The following SPAG16 variants were observed in gnomAD, a reference collection of about 807,000 sequenced individuals.
SPAG16 encodes sperm associated antigen 16, also known as sperm-associated antigen 16 protein.
A neutral mutation model predicts 80.4 loss-of-function variants in SPAG16; 86 were observed. That is an observed-to-expected ratio of 1.07 (90% CI 0.90 to 1.28). The LOEUF (loss-of-function observed/expected upper bound fraction) is 1.28. Ranked by LOEUF, SPAG16 falls within the 50% of genes most tolerant of loss-of-function variation. The probability of loss-of-function intolerance (pLI) is 0.00; values close to 1 mark genes in which losing one functional copy is unlikely to be tolerated. For missense variants in SPAG16, 870 were observed against 765.3 expected (o/e 1.14, Z -1.61); for synonymous variants, 294 against 265.9 (o/e 1.11, Z -1.03).
At chr2:214,357,807 T>C (rs1698918908) in intron 15 of SPAG16, among the ~76,000 whole-genome samples, 1 of 151,872 alleles carries the variant, frequency 6.6e-6, no homozygotes, top group Non-Finnish European at 1.5e-5. Context: ...GAGAACTGGA[T>C]TTAAAGAGAT....
chr2:213,930,145 G>GGTAA lies in SPAG16; in HGVS notation c.1400+2_1400+5dup, dbSNP rs1458211307. 2.5e-6 allele frequency: 4 copies of GGTAA among 1,611,858 alleles called. No homozygotes were observed. The East Asian group carries it at 6.7e-5, about 27-fold the overall frequency. On this transcript the variant is annotated stop_gained and frameshift_variant and splice_region_variant. Transcript: ENST00000331683. LOFTEE classifies it high-confidence loss of function. The stretch of plus-strand genomic sequence containing the variant: ...ACTAGCAAAATTTGGGATGTTAATA[G>GGTAA]GTAAGAAGTACTTTAAACATTACTA...
intron 11 of SPAG16, among the ~76,000 whole-genome samples, chr2:213,886,322 G>A (rs953954632): frequency 2.0e-5 from 3 of 152,086 alleles, no homozygotes; most frequent in African/African-American, 4.8e-5. Context: ...CATGGGGAAC[G>A]GATATTCAGA....
intron 15 of SPAG16, among the ~76,000 whole-genome samples, chr2:214,326,709 G>A (rs1696509598): frequency 6.6e-6 from 1 of 152,080 alleles, no homozygotes; most frequent in South Asian, 2.1e-4. Flanking sequence ...ACTTTGGGAG[G>A]CCGAGGCAGG....
chr2:214,012,109 C>T (rs2047308129), intron 12 of SPAG16, among the ~76,000 whole-genome samples: 1 of 151,266 alleles, frequency 6.6e-6, no homozygotes, highest in African/African-American at 2.4e-5. Flanking sequence ...GGAATTCAGT[C>T]TCCTGGCTCC....
chr2:214,354,164 T>A (rs1306179306), intron 15 of SPAG16, among the ~76,000 whole-genome samples: 1 of 152,126 alleles, frequency 6.6e-6, no homozygotes, highest in Admixed American at 6.6e-5. Flanking sequence ...AAAAATGATA[T>A]ACATTTTTGT....
chr2:213,654,211 G>T (rs1409030950), intron 10 of SPAG16, among the ~76,000 whole-genome samples: 1 of 152,020 alleles, frequency 6.6e-6, no homozygotes, highest in Non-Finnish European at 1.5e-5. Context: ...TTAAATTATT[G>T]AGAACACAAC....
intron 10 of SPAG16, among the ~76,000 whole-genome samples, chr2:213,861,224 G>A (rs1013561342): frequency 6.6e-6 from 1 of 152,172 alleles, no homozygotes; most frequent in Non-Finnish European, 1.5e-5. Context: ...GAAGCCAGTA[G>A]ATTCCCAAAA....
chr2:213,925,140 T>TGTTA (rs10665960), intron 11 of SPAG16, among the ~76,000 whole-genome samples: 147,833 of 151,998 alleles, frequency 0.97, 72,032 homozygotes, highest in East Asian at 1. Context: ...ATTATTGTTT[T>TGTTA]TTTTTATTTT....
intron 15 of SPAG16, among the ~76,000 whole-genome samples, chr2:214,222,202 C>G (rs560641259): frequency 1.3e-5 from 2 of 151,012 alleles, no homozygotes; most frequent in Non-Finnish European, 3.0e-5. Flanking sequence ...CTGCAACCCC[C>G]GCCTCCTGGG....
At chr2:214,380,302 T>TTTG (rs1700374180) in intron 15 of SPAG16, among the ~76,000 whole-genome samples, 1 of 152,218 alleles carries the variant, frequency 6.6e-6, no homozygotes, top group African/African-American at 2.4e-5. Context: ...TTGCAAAATG[T>TTTG]TTGTTAGCAT....
At chr2:214,197,153 G>T (rs2057865292) in intron 15 of SPAG16, among the ~76,000 whole-genome samples, 1 of 151,924 alleles carries the variant, frequency 6.6e-6, no homozygotes, top group Non-Finnish European at 1.5e-5. Flanking sequence ...GAGTAAAAAT[G>T]AATGTTATGA....
intron 15 of SPAG16, among the ~76,000 whole-genome samples, chr2:214,249,497 A>G (rs768414800): frequency 1.3e-5 from 2 of 152,126 alleles, no homozygotes; most frequent in Non-Finnish European, 2.9e-5. Context: ...GGAAATCAGA[A>G]ATAACAGTAC....
chr2:213,741,972 T>A (rs556910967), intron 10 of SPAG16, among the ~76,000 whole-genome samples: 1 of 152,252 alleles, frequency 6.6e-6, no homozygotes, highest in East Asian at 1.9e-4. Context: ...TCTGTGTAAT[T>A]GTGTTGTAGA....
intron 10 of SPAG16, among the ~76,000 whole-genome samples, chr2:213,755,001 C>T (rs1397605000): frequency 1.3e-5 from 2 of 152,154 alleles, no homozygotes; most frequent in Admixed American, 1.3e-4. Context: ...ATTATTGAAT[C>T]TCTAAATGTC....
chr2:214,372,184 A>AGAATC (rs1024201186), intron 15 of SPAG16, among the ~76,000 whole-genome samples: 61 of 152,274 alleles, frequency 4.0e-4, no homozygotes, highest in African/African-American at 1.4e-3. Flanking sequence ...TTGATGTTCA[A>AGAATC]GAATCATATA....
chr2:214,134,721 C>T (rs1027218972), intron 14 of SPAG16, among the ~76,000 whole-genome samples: 4 of 152,142 alleles, frequency 2.6e-5, no homozygotes, highest in African/African-American at 4.8e-5. Context: ...CTAGATAATA[C>T]CTTCTTAACT....
At chr2:213,741,454 T>C (rs1224017076) in intron 10 of SPAG16, among the ~76,000 whole-genome samples, 1 of 151,970 alleles carries the variant, frequency 6.6e-6, no homozygotes, top group Non-Finnish European at 1.5e-5. Context: ...TAATTGTAAA[T>C]GAGTTAACCT....
intron 13 of SPAG16, among the ~76,000 whole-genome samples, chr2:214,096,649 A>G (rs1472307634): frequency 6.6e-6 from 1 of 152,104 alleles, no homozygotes; most frequent in African/African-American, 2.4e-5. Context: ...AATTCAACCT[A>G]GAACAAAGAA....
intron 15 of SPAG16, among the ~76,000 whole-genome samples, chr2:214,326,141 G>A (rs1332332017): frequency 6.6e-6 from 1 of 152,148 alleles, no homozygotes; most frequent in Non-Finnish European, 1.5e-5. Context: ...ATGTAGTTAA[G>A]GATCTTGAGA....
Sources: allele counts gnomAD v4.1 joint callset (sites outside exome capture counted in the v4.1 genomes callset), GRCh38; gene constraint gnomAD v4.1.1; transcripts MANE v1.5; gene names NCBI Gene and HGNC (gene_info 2026-07-23, HGNC 2026-07-21).